The following ICA1 variants were observed in gnomAD, a reference collection of about 807,000 sequenced individuals.
ICA1 encodes the protein islet cell autoantigen 1.
In ICA1, 40 loss-of-function variants were observed where a neutral mutation model predicts 71.0. The observed-to-expected ratio is 0.56, with a 90% CI of 0.44 to 0.73. The LOEUF (loss-of-function observed/expected upper bound fraction) is 0.73. ICA1 is among the 30% of genes least tolerant of loss of function. The pLI is 0.00. For synonymous variants in ICA1, 207 were observed against 209.5 expected (o/e 0.99, Z 0.10); for missense variants, 578 against 576.5 (o/e 1.00, Z -0.03).
chr7:8,128,413 A>G (rs906410931), intron 12 of ICA1, among the ~76,000 whole-genome samples: 1 of 152,218 alleles, frequency 6.6e-6, no homozygotes, highest in Non-Finnish European at 1.5e-5. Context: ...TAATATAAAA[A>G]CAAATTTACC....
intron 5 of ICA1, among the ~76,000 whole-genome samples, chr7:8,220,891 G>A (rs1412481973): frequency 1.3e-5 from 2 of 151,998 alleles, no homozygotes; most frequent in Non-Finnish European, 2.9e-5. Flanking sequence ...AGAGAGCAGA[G>A]AGGGAACCCT....
At chr7:8,200,759 A>C (rs1160855095) in intron 6 of ICA1, among the ~76,000 whole-genome samples, 1 of 152,252 alleles carries the variant, frequency 6.6e-6, no homozygotes, top group East Asian at 1.9e-4. Context: ...TATGAATATT[A>C]GTTGAGTTTT....
intron 9 of ICA1, among the ~76,000 whole-genome samples, chr7:8,143,299 G>T (rs528364301): frequency 1.4e-4 from 22 of 152,178 alleles, no homozygotes; most frequent in African/African-American, 4.8e-4. Context: ...TTGTAAAGGG[G>T]CATGAAATGG....
chr7:8,241,284 T>C (rs1443632126), intron 1 of ICA1, among the ~76,000 whole-genome samples: 1 of 152,228 alleles, frequency 6.6e-6, no homozygotes, highest in Non-Finnish European at 1.5e-5. Context: ...GAAAAGAATT[T>C]TCAATCCAGA....
In ICA1 at chr7:8,233,749, T is replaced by C. The variant is rs143668582; in HGVS notation, c.18-994A>G. On this transcript the variant is annotated intron_variant, in intron 2 of 13. Coordinates refer to ENST00000402384, the MANE Select transcript of ICA1 (RefSeq NM_001136020.3). ...ATTGTGCACCTAAAATTTAAGACGG[T>C]TGACTTCATGTTAACTGTTCTTACC... is the stretch of plus-strand genomic sequence containing the variant. Among the ~76,000 whole-genome samples the C allele has an allele frequency of 3.0e-3, 459 of 152,220 alleles. 3 individuals are homozygous for C. Among genetic ancestry groups the C allele is most frequent in the African/African-American group, 0.011 (440 of 41,544 alleles).
At chr7:8,161,904 T>C (rs899142496) in intron 6 of ICA1, among the ~76,000 whole-genome samples, 31 of 152,348 alleles carry the variant, frequency 2.0e-4, no homozygotes, top group African/African-American at 7.5e-4. Flanking sequence ...TTATTGTGGT[T>C]ATAGACAACT....
intron 12 of ICA1, among the ~76,000 whole-genome samples, chr7:8,135,449 A>G (rs955935200): frequency 3.3e-5 from 5 of 152,234 alleles, no homozygotes; most frequent in African/African-American, 1.2e-4. Flanking sequence ...AGTACATCCC[A>G]GGATGCTGAG....
In ICA1 at chr7:8,214,954, G is replaced by C. The variant is rs369161279; in HGVS notation, c.579+3351C>G. 1.4e-3 allele frequency among the ~76,000 whole-genome samples: 209 copies of C among 152,268 alleles called. 1 individual carries two copies. The highest frequency in any genetic ancestry group is 4.4e-3 in the African/African-American group (183 of 41,544). On this transcript the variant is annotated intron_variant, in intron 6 of 13. Coordinates refer to ENST00000402384, the MANE Select transcript of ICA1 (RefSeq NM_001136020.3). ...TTAAAGTGGTGCTACCACGGAATCTGGTAGAGGTCAGAACAGCCCATTTCT... is the reference window on the plus strand; with the variant it reads ...TTAAAGTGGTGCTACCACGGAATCTCGTAGAGGTCAGAACAGCCCATTTCT...
chr7:8,168,000 CAG>C lies in ICA1; in HGVS notation c.580-9350_580-9349del, dbSNP rs922471826. On this transcript the variant is annotated intron_variant, in intron 6 of 13. Coordinates refer to ENST00000402384, the MANE Select transcript of ICA1 (RefSeq NM_001136020.3). Reference sequence around the variant, plus strand: ...AACAAAGGTGGCCTACAAAGAAAAACAGGGGGGAGAGAGCAGAGAGAGAAAAA... The same window carrying C: ...AACAAAGGTGGCCTACAAAGAAAAACGGGGGAGAGAGCAGAGAGAGAAAAA... Among the ~76,000 whole-genome samples, 6 of 147,194 alleles carry C rather than the reference CAG, an allele frequency of 4.1e-5. No homozygotes were observed. The East Asian group carries it at 5.9e-4, about 14-fold the overall frequency.
At chr7:8,184,579 G>T (rs922715164) in intron 6 of ICA1, among the ~76,000 whole-genome samples, 4 of 152,062 alleles carry the variant, frequency 2.6e-5, no homozygotes, top group Non-Finnish European at 5.9e-5. Flanking sequence ...CTCTTCCTAG[G>T]CCACTTAAAA....
intron 6 of ICA1, among the ~76,000 whole-genome samples, chr7:8,170,387 G>A (rs1303182014): frequency 1.3e-5 from 2 of 151,862 alleles, no homozygotes; most frequent in Non-Finnish European, 2.9e-5. Context: ...AAAGCCTTTG[G>A]GGGGTTATTA....
intron 1 of ICA1, among the ~76,000 whole-genome samples, chr7:8,251,019 G>T (rs1807994381): frequency 6.6e-6 from 1 of 151,944 alleles, no homozygotes; most frequent in African/African-American, 2.4e-5. Context: ...CCCCACCTCA[G>T]CCTCTTCAGT....
chr7:8,202,063 G>A (rs2348903), intron 6 of ICA1, among the ~76,000 whole-genome samples: 75,275 of 152,004 alleles, frequency 0.5, 22,862 homozygotes, highest in South Asian at 0.75. Context: ...CTTCTGAAAG[G>A]GCATCCAAAA....
At chr7:8,145,780 T>C (rs908103564) in intron 8 of ICA1, among the ~76,000 whole-genome samples, 1 of 122,364 alleles carries the variant, frequency 8.2e-6, no homozygotes, top group Non-Finnish European at 1.8e-5. Context: ...ATATAAAATA[T>C]ATAGAGAGAC....
Position 8,132,853 on chromosome 7 carries a change from C to T in ICA1, c.1061-4711G>A, listed in dbSNP as rs775126406. 6.6e-6 allele frequency among the ~76,000 whole-genome samples: 1 copy of T among 152,240 alleles called. No homozygotes were observed. Among genetic ancestry groups the T allele is most frequent in the African/African-American group, 2.4e-5 (1 of 41,456 alleles). On this transcript the variant is annotated intron_variant, in intron 12 of 13. Transcript: ENST00000402384. This position sits in a 1 kb window ranked among gnomAD's most constrained non-coding sequence, Gnocchi z 4.5. ...CTTTCTGGAACTCCATTTGCAAATT[C>T]CTGTCTGGGAGCCCTTCTGGGTTTG...
At chr7:8,133,515 C>T (rs1792254693) in intron 12 of ICA1, among the ~76,000 whole-genome samples, 1 of 152,226 alleles carries the variant, frequency 6.6e-6, no homozygotes, top group East Asian at 1.9e-4. Flanking sequence ...TCCCAAAGTG[C>T]TAGGATTACA....
At chr7:8,168,492 G>A (rs772053761) in intron 6 of ICA1, among the ~76,000 whole-genome samples, 4 of 151,968 alleles carry the variant, frequency 2.6e-5, no homozygotes, top group Non-Finnish European at 4.4e-5. Context: ...TGGGACACAG[G>A]GTCACAAATC....
chr7:8,213,198 A>G (rs546175126), intron 6 of ICA1, among the ~76,000 whole-genome samples: 1 of 152,356 alleles, frequency 6.6e-6, no homozygotes, highest in Non-Finnish European at 1.5e-5. Context: ...TAGTTTTACA[A>G]AAGAAATTCT....
intron 12 of ICA1, among the ~76,000 whole-genome samples, chr7:8,134,337 G>A (rs1792564168): frequency 1.3e-5 from 2 of 152,186 alleles, no homozygotes; most frequent in African/African-American, 4.8e-5. Context: ...GACACGGTGT[G>A]GGAAATTGGT....
Sources: allele counts gnomAD v4.1 joint callset (sites outside exome capture counted in the v4.1 genomes callset), GRCh38; gene constraint gnomAD v4.1.1; non-coding constraint Gnocchi (gnomAD v3.1); transcripts MANE v1.5; gene names NCBI Gene and HGNC (gene_info 2026-07-23, HGNC 2026-07-21).